The following ATP13A4 variants were observed in gnomAD, a reference collection of about 807,000 sequenced individuals.
ATP13A4 encodes probable cation-transporting ATPase 13A4.
In ATP13A4, 114 loss-of-function variants were observed where a neutral mutation model predicts 142.5. The observed-to-expected ratio is 0.80, with a 90% confidence interval of 0.69 to 0.93. The LOEUF (loss-of-function observed/expected upper bound fraction) is 0.93, where lower values mean the gene tolerates loss of function less well. Among genes scored for constraint, ATP13A4 ranks in the 40% least tolerant of loss-of-function variants. ATP13A4 has a pLI of 0.00. For synonymous variants in ATP13A4, 488 were observed against 514.8 expected (o/e 0.95, Z 0.70); for missense variants, 1,392 against 1,454.0 (o/e 0.96, Z 0.69).
chr3:193,569,665 C>T (rs755552154), intron 2 of ATP13A4, among the ~76,000 whole-genome samples: 10 of 151,836 alleles, frequency 6.6e-5, no homozygotes, highest in Admixed American at 2.0e-4. Flanking sequence ...GTAACTGGAA[C>T]GACAGATGCA....
chr3:193,577,532 A>G (rs940555223), intron 2 of ATP13A4, among the ~76,000 whole-genome samples: 1 of 152,256 alleles, frequency 6.6e-6, no homozygotes, highest in Non-Finnish European at 1.5e-5. Flanking sequence ...CTGAACTTAT[A>G]TAAGTACAAA....
At chr3:193,425,976 T>C (rs1715638939) in intron 25 of ATP13A4, among the ~76,000 whole-genome samples, 1 of 151,860 alleles carries the variant, frequency 6.6e-6, no homozygotes, top group Admixed American at 6.6e-5. Flanking sequence ...CATCACATTG[T>C]ACCTCATAAA....
At chr3:193,590,882 G>C (rs1228096279) in intron 1 of ATP13A4, among the ~76,000 whole-genome samples, 2 of 152,200 alleles carry the variant, frequency 1.3e-5, no homozygotes, top group African/African-American at 4.8e-5. Flanking sequence ...AGATGAAGGA[G>C]TGTGAACTAC....
intron 25 of ATP13A4, among the ~76,000 whole-genome samples, chr3:193,431,332 A>G (rs1227088449): frequency 2.6e-5 from 4 of 152,102 alleles, no homozygotes; most frequent in African/African-American, 4.8e-5. Flanking sequence ...TTTAATTCCT[A>G]TTAAATACCC....
intron 17 of ATP13A4, among the ~76,000 whole-genome samples, chr3:193,449,767 AC>A (rs1382016876): frequency 6.6e-6 from 1 of 151,592 alleles, no homozygotes; most frequent in African/African-American, 2.4e-5. Flanking sequence ...TGCTATTGAA[AC>A]CCTCCCAATG....
At chr3:193,559,759 G>A (rs1723976735), upstream of ATP13A4, among the ~76,000 whole-genome samples, 1 of 152,164 alleles carries the variant, frequency 6.6e-6, no homozygotes, top group African/African-American at 2.4e-5. Context: ...GTGGCCTGTT[G>A]TTTCCCTTTC....
chr3:193,456,971 C>A, intron 16 of ATP13A4, 29 bp downstream of exon 16: 1 of 1,596,882 alleles, frequency 6.3e-7, no homozygotes, highest in Non-Finnish European at 8.5e-7. Context: ...TACAGATTTG[C>A]CAGGTGTAAT....
At position 193,445,682 on chromosome 3, in the gene ATP13A4, G is replaced by A. The variant is rs190049007; in HGVS notation, c.2152+2524C>T. 1.1e-4 allele frequency among the ~76,000 whole-genome samples: 17 copies of A among 151,362 alleles called. No individual in the cohort carries two copies. The East Asian group carries it at 2.4e-3, about 21-fold the overall frequency. On this transcript the variant is annotated intron_variant, in intron 18 of 29. Transcript: ENST00000342695. ...TGAAGCAGGAGAATCGCTTGAACCC[G>A]GGAGTCGGAGGTTGCACTGAGCCGA...
At chr3:193,474,665 A>C (rs9860468) in intron 8 of ATP13A4, among the ~76,000 whole-genome samples, 66,110 of 147,500 alleles carry the variant, frequency 0.45, 14,893 homozygotes, top group Admixed American at 0.49. Context: ...GAAAGAAAGA[A>C]AGAAAAAGAA....
chr3:193,508,979 G>T (rs1283950742), intron 2 of ATP13A4, among the ~76,000 whole-genome samples: 1 of 128,480 alleles, frequency 7.8e-6, no homozygotes, highest in Non-Finnish European at 1.7e-5. Flanking sequence ...TTATAATCTA[G>T]ACTGTCCAGG....
intron 18 of ATP13A4, 29 bp from the exon 19 acceptor site, chr3:193,442,585 G>A (rs1716712766): frequency 1.2e-6 from 2 of 1,601,570 alleles, no homozygotes; most frequent in Non-Finnish European, 8.6e-7. Flanking sequence ...ATCTCAAGAT[G>A]AGGTTGACAA....
At chr3:193,404,257 CCACA>C in intron 29 of ATP13A4, 54 of 467,894 alleles carry the variant, frequency 1.2e-4, no homozygotes, top group East Asian at 1.5e-4. Flanking sequence ...ATAGATGAAA[CCACA>C]CACACACACA....
At position 193,418,059 on chromosome 3, in the gene ATP13A4, T is replaced by C. The variant is rs370361685; in HGVS notation, c.2843-3309A>G. 1.9e-3 allele frequency among the ~76,000 whole-genome samples: 204 copies of C among 106,304 alleles called. 5 individuals are homozygous for C. Among genetic ancestry groups the C allele is most frequent in the Admixed American group, 3.0e-3 (23 of 7,636 alleles). The allele number at this position is 106,304 out of a possible 152,430, so 69.7% of individuals were successfully genotyped here. On this transcript the variant is annotated intron_variant, in intron 25 of 29. Coordinates refer to ENST00000342695, the MANE Select transcript of ATP13A4 (RefSeq NM_032279.4). The stretch of plus-strand genomic sequence containing the variant: ...ATGGCGTGAACCCGGGAGGCAGAGC[T>C]TGCAGTGAGCCGAGATCCCGCCACT...
chr3:193,586,101 ACACAC>A, intron 1 of ATP13A4, among the ~76,000 whole-genome samples: 1 of 127,928 alleles, frequency 7.8e-6, no homozygotes, highest in East Asian at 2.4e-4. Context: ...ACACACACAC[ACACAC>A]ACACACACAC....
At chr3:193,441,950 A>G (rs1373316854) in intron 19 of ATP13A4, among the ~76,000 whole-genome samples, 1 of 152,238 alleles carries the variant, frequency 6.6e-6, no homozygotes, top group Non-Finnish European at 1.5e-5. Flanking sequence ...ATATTGTTCT[A>G]CAAGGACACA....
At chr3:193,414,800 C>T (rs749519308) in intron 25 of ATP13A4, 50 bp from the exon 26 acceptor site, 24 of 1,573,446 alleles carry the variant, frequency 1.5e-5, no homozygotes, top group Non-Finnish European at 1.9e-5. Flanking sequence ...AAAATGTATT[C>T]TTGATCAGAA....
chr3:193,418,633 G>A (rs1464322919), intron 25 of ATP13A4, among the ~76,000 whole-genome samples: 1 of 149,674 alleles, frequency 6.7e-6, no homozygotes, highest in African/African-American at 2.5e-5. Context: ...GTAAGCAAGA[G>A]GACCCCAGCA....
intron 3 of ATP13A4, among the ~76,000 whole-genome samples, chr3:193,497,584 G>A (rs1421080016): frequency 1.3e-5 from 2 of 152,112 alleles, no homozygotes. Flanking sequence ...TAAAGGAAAA[G>A]AAATCAGTAT....
At chr3:193,409,909 A>G (rs1363874005) in intron 28 of ATP13A4, among the ~76,000 whole-genome samples, 1 of 152,208 alleles carries the variant, frequency 6.6e-6, no homozygotes, top group Non-Finnish European at 1.5e-5. Context: ...CTGGTAATAC[A>G]AGAATGAATA....
Sources: gnomAD v4.1 joint callset for allele counts (sites outside exome capture counted in the v4.1 genomes callset) on GRCh38, gnomAD v4.1.1 for gene constraint, MANE v1.5 for transcripts, NCBI Gene and HGNC (gene_info 2026-07-23, HGNC 2026-07-21) for gene names.